NCKAP5: variants seen among roughly 807,000 people sequenced by gnomAD.
NCKAP5 encodes the protein NCK associated protein 5, also known as nck-associated protein 5.
NCKAP5 carries 92 observed loss-of-function variants against 167.0 expected under a neutral mutation model. The observed-to-expected ratio is 0.55, with a 90% CI of 0.47 to 0.66. The LOEUF (loss-of-function observed/expected upper bound fraction) is 0.66, where lower values mean the gene tolerates loss of function less well. Among genes scored for constraint, NCKAP5 ranks in the 30% least tolerant of loss-of-function variants. The pLI is 0.00. For synonymous variants in NCKAP5, 891 were observed against 877.4 expected, an observed-to-expected ratio of 1.02 and a Z score of -0.27; for missense variants, 2,378 against 2,315.0, an observed-to-expected ratio of 1.03 and a Z score of -0.56.
intron 3 of NCKAP5, among the ~76,000 whole-genome samples, chr2:133,435,071 T>A (rs1690386925): frequency 6.6e-6 from 1 of 152,218 alleles, no homozygotes; most frequent in Admixed American, 6.5e-5. Flanking sequence ...TCTTCACTGA[T>A]AAGGCCATGA....
At chr2:133,563,468 C>T (rs1410234148) in intron 1 of NCKAP5, among the ~76,000 whole-genome samples, 1 of 144,826 alleles carries the variant, frequency 6.9e-6, no homozygotes, top group Non-Finnish European at 1.5e-5. Flanking sequence ...ACTTGGGAGG[C>T]TGAGGCAGGA....
intron 8 of NCKAP5, among the ~76,000 whole-genome samples, chr2:132,898,746 T>G (rs1558917557): frequency 1.3e-5 from 2 of 152,358 alleles, no homozygotes; most frequent in South Asian, 4.1e-4. Flanking sequence ...AAAGGGATAT[T>G]TTCTTCTGAG....
At chr2:133,102,369 G>A (rs1255495848) in intron 6 of NCKAP5, among the ~76,000 whole-genome samples, 7 of 151,960 alleles carry the variant, frequency 4.6e-5, no homozygotes, top group African/African-American at 1.5e-4. Context: ...GGATGGTCTC[G>A]ATCTCCTGAC....
intron 8 of NCKAP5, among the ~76,000 whole-genome samples, chr2:132,922,917 G>A (rs1482241046): frequency 6.6e-6 from 1 of 152,170 alleles, no homozygotes; most frequent in African/African-American, 2.4e-5. Flanking sequence ...TAAAATTTCA[G>A]AATTTCAGGA....
intron 11 of NCKAP5, among the ~76,000 whole-genome samples, chr2:132,846,157 A>C (rs915704669): frequency 6.6e-6 from 1 of 152,118 alleles, no homozygotes; most frequent in Non-Finnish European, 1.5e-5. Context: ...ACTAGCTTTC[A>C]AATTTTCAGA....
chr2:133,265,173 A>G lies in NCKAP5; in HGVS notation c.143+37864T>C, dbSNP rs542864969. 5.9e-5 allele frequency: 9 copies of G among 152,360 alleles called. No homozygotes were observed. In the South Asian group the frequency reaches 1.9e-3, roughly 32 times the overall value. The allele number at this position is 152,360 out of a possible 1,614,324, so 9.4% of individuals were successfully genotyped here. ...TTTTAGGTACCTATGTATAAGGAGG[A>G]GTGAACGAGTGAACAAGTTAGTGGG... is the stretch of plus-strand genomic sequence containing the variant. On this transcript the variant is annotated intron_variant, in intron 4 of 19. Coordinates refer to ENST00000409261, the MANE Select transcript of NCKAP5 (RefSeq NM_207363.3).
At chr2:133,313,972 T>C (rs1357147017) in intron 3 of NCKAP5, among the ~76,000 whole-genome samples, 2 of 152,198 alleles carry the variant, frequency 1.3e-5, no homozygotes, top group Admixed American at 6.5e-5. Context: ...CAATGATCCA[T>C]TGCATCAGTA....
chr2:133,411,066 T>C (rs113350596), intron 3 of NCKAP5, among the ~76,000 whole-genome samples: 5 of 152,362 alleles, frequency 3.3e-5, no homozygotes, highest in South Asian at 2.1e-4. Flanking sequence ...AGTAACTAGC[T>C]GTGGGGCCTT....
At chr2:133,136,867 T>C (rs10928440) in intron 5 of NCKAP5, among the ~76,000 whole-genome samples, 28,419 of 152,150 alleles carry the variant, frequency 0.19, 2,844 homozygotes, top group Non-Finnish European at 0.22. Flanking sequence ...CAACATCCAA[T>C]GTGCACTCAA....
chr2:133,144,938 C>G (rs1265186923), intron 5 of NCKAP5, among the ~76,000 whole-genome samples: 1 of 152,060 alleles, frequency 6.6e-6, no homozygotes, highest in Non-Finnish European at 1.5e-5. Flanking sequence ...TCAAACTAAT[C>G]TCAACATTAG....
chr2:133,310,384 A>G (rs188500016), intron 3 of NCKAP5, among the ~76,000 whole-genome samples: 2 of 152,324 alleles, frequency 1.3e-5, no homozygotes, highest in Admixed American at 6.5e-5. Flanking sequence ...AACAGCTGCA[A>G]CCTGGCTTCT....
intron 2 of NCKAP5, among the ~76,000 whole-genome samples, chr2:133,555,126 C>T (rs988339870): frequency 4.6e-5 from 7 of 152,154 alleles, no homozygotes; most frequent in Non-Finnish European, 1.0e-4. Flanking sequence ...TCTAAGCATT[C>T]GGTAGCATGA....
In NCKAP5 at chr2:132,933,176, C is replaced by CTT. The variant is rs1558959030; in HGVS notation, c.579+30543_579+30544insAA. Among the ~76,000 whole-genome samples, 9 of 152,200 alleles carry CTT rather than the reference C, an allele frequency of 5.9e-5. No individual in the cohort carries two copies. In the East Asian group the frequency reaches 1.7e-3, roughly 29 times the overall value. ...TTCTGACCTCATGATCTGCCCGCTG[C>CTT]GGCCTCCCAAAGTGCTGGGATTATC... On this transcript the variant is annotated intron_variant, in intron 8 of 19. Transcript: ENST00000409261.
At chr2:132,780,319 T>C (rs1010286110) in intron 15 of NCKAP5, among the ~76,000 whole-genome samples, 1 of 151,618 alleles carries the variant, frequency 6.6e-6, no homozygotes, top group Admixed American at 6.6e-5. Flanking sequence ...GCCTGGCTAA[T>C]TTTTTGTATT....
intron 6 of NCKAP5, among the ~76,000 whole-genome samples, chr2:133,086,969 A>G (rs923679833): frequency 6.6e-6 from 1 of 152,170 alleles, no homozygotes; most frequent in Non-Finnish European, 1.5e-5. Context: ...GTAAATTTTT[A>G]AAAATCTAGA....
At chr2:133,595,149 C>G in the NCKAP5 span, among the ~76,000 whole-genome samples, 1 of 152,120 alleles carries the variant, frequency 6.6e-6, no homozygotes, top group South Asian at 2.1e-4. Flanking sequence ...GAAAGGGCAT[C>G]CCAGGCTAAG....
intron 3 of NCKAP5, among the ~76,000 whole-genome samples, chr2:133,372,905 C>T (rs1036854428): frequency 2.0e-5 from 3 of 152,170 alleles, no homozygotes; most frequent in African/African-American, 7.2e-5. Context: ...TCAGCATCTT[C>T]TTTACAGAAC....
intron 11 of NCKAP5, among the ~76,000 whole-genome samples, chr2:132,843,940 T>C (rs1223814802): frequency 6.6e-6 from 1 of 152,108 alleles, no homozygotes; most frequent in Non-Finnish European, 1.5e-5. Context: ...TATCTCTGCC[T>C]TTCCCCAATC....
At chr2:132,735,609 T>C (rs1228330759) in intron 16 of NCKAP5, among the ~76,000 whole-genome samples, 3 of 152,188 alleles carry the variant, frequency 2.0e-5, no homozygotes, top group Non-Finnish European at 4.4e-5. Flanking sequence ...CTAATACACC[T>C]CTAGCTTGGT....
Sources: allele counts gnomAD v4.1 joint callset (sites outside exome capture counted in the v4.1 genomes callset), GRCh38; gene constraint gnomAD v4.1.1; transcripts MANE v1.5; gene names NCBI Gene and HGNC (gene_info 2026-07-23, HGNC 2026-07-21).